The following TRIM49 variants were observed in gnomAD, a reference collection of about 807,000 sequenced individuals.
TRIM49 encodes tripartite motif-containing protein 49.
In TRIM49, 5 loss-of-function variants were observed where a neutral mutation model predicts 27.4. That is an observed-to-expected ratio of 0.18 (90% confidence interval 0.10 to 0.38). TRIM49 has a LOEUF of 0.38. Ranked by LOEUF, TRIM49 falls within the 10% of genes least tolerant of loss-of-function variation. The pLI is 1.00. For synonymous variants in TRIM49, 69 were observed against 166.0 expected (o/e 0.42, Z 4.49); for missense variants, 188 against 487.5 (o/e 0.39, Z 5.79).
At chr11:89,806,629 A>G (rs377571927) in intron 2 of TRIM49, among the ~76,000 whole-genome samples, 2,981 of 149,456 alleles carry the variant, frequency 0.02, 42 homozygotes, top group East Asian at 0.052. Context: ...TTTCTAAAGT[A>G]GGATATTTTG....
the TRIM49 span, among the ~76,000 whole-genome samples, chr11:89,768,490 C>A: frequency 3.0e-5 from 4 of 133,522 alleles, 1 homozygote; most frequent in Non-Finnish European, 6.0e-5. Flanking sequence ...ATGCCTCTCT[C>A]CCTATTTGCC....
At position 89,805,713 on chromosome 11, in the gene TRIM49, G is replaced by GT. The variant is rs1471218681; in HGVS notation, c.-4-1241dup. 5.4e-3 allele frequency among the ~76,000 whole-genome samples: 703 copies of GT among 130,048 alleles called. 33 individuals are homozygous for GT. Among genetic ancestry groups the GT allele is most frequent in the African/African-American group, 0.025 (636 of 25,740 alleles). The allele number at this position is 130,048 out of a possible 152,430, so 85.3% of individuals were successfully genotyped here. A position where few individuals can be genotyped will look rare whatever the true frequency, so the allele number is the denominator to read the frequency against. On this transcript the variant is annotated intron_variant, in intron 2 of 7. Transcript: ENST00000329758. ...CTGAGAAATGTGTCAGGTGTTTTTA[G>GT]TTTTTTTTTGTTTTTTTTTTTTGAG...
chr11:89,802,580 C>CACAT lies in TRIM49; in HGVS notation c.508-652_508-649dup, dbSNP rs199832331. ...ACATATATATGTATACAAACACACA[C>CACAT]ACATACATACATACATACATACATA... On this transcript the variant is annotated intron_variant, in intron 4 of 7. Transcript: ENST00000329758. Among the ~76,000 whole-genome samples the CACAT allele has an allele frequency of 3.1e-3, 452 of 147,260 alleles. 3 individuals are homozygous for CACAT. Among genetic ancestry groups the CACAT allele is most frequent in the African/African-American group, 7.9e-3 (309 of 38,932 alleles).
the TRIM49 span, among the ~76,000 whole-genome samples, chr11:89,772,516 T>A: frequency 7.9e-6 from 1 of 125,938 alleles, no homozygotes; most frequent in South Asian, 2.4e-4. Flanking sequence ...TATGCACTAA[T>A]TATGGCATTC....
the TRIM49 span, among the ~76,000 whole-genome samples, chr11:89,791,763 G>T: frequency 6.6e-6 from 1 of 152,300 alleles, no homozygotes; most frequent in Non-Finnish European, 1.5e-5. Context: ...TGGAAAGGAA[G>T]AACCAGCACC....
the TRIM49 span, chr11:89,786,151 G>C: frequency 1.7e-5 from 1 of 58,536 alleles, no homozygotes; most frequent in Admixed American, 1.5e-4. Context: ...GGAGCACGGC[G>C]TCGAGGGCGT....
At chr11:89,770,471 A>G in the TRIM49 span, among the ~76,000 whole-genome samples, 1 of 141,466 alleles carries the variant, frequency 7.1e-6, no homozygotes, top group Admixed American at 6.8e-5. Flanking sequence ...AAAAGCTGAA[A>G]TAGATGAAAT....
the TRIM49 span, among the ~76,000 whole-genome samples, chr11:89,768,539 A>G: frequency 7.4e-6 from 1 of 135,304 alleles, no homozygotes; most frequent in South Asian, 2.3e-4. Flanking sequence ...CTGAATCCTA[A>G]AAAGAGGCAA....
the TRIM49 span, among the ~76,000 whole-genome samples, chr11:89,791,817 A>G: frequency 6.6e-6 from 1 of 152,054 alleles, no homozygotes; most frequent in Non-Finnish European, 1.5e-5. Context: ...CATCGATGCT[A>G]GGAAGAAACT....
chr11:89,791,215 G>A, the TRIM49 span, among the ~76,000 whole-genome samples: 1 of 151,760 alleles, frequency 6.6e-6, no homozygotes, highest in East Asian at 1.9e-4. Flanking sequence ...AAAAAGAAGT[G>A]AACAAAGCCT....
chr11:89,785,225 T>C, the TRIM49 span, among the ~76,000 whole-genome samples: 810 of 116,978 alleles, frequency 6.9e-3, 68 homozygotes, highest in African/African-American at 0.03. Context: ...TCTGCCTCAG[T>C]GAATAAATAA....
chr11:89,766,673 G>C, the TRIM49 span: 1 of 1,509,290 alleles, frequency 6.6e-7, no homozygotes, highest in African/African-American at 2.0e-5. Flanking sequence ...GGGAATTCTT[G>C]GTGACATTCA....
downstream of TRIM49, among the ~76,000 whole-genome samples, chr11:89,794,654 A>G (rs1208232876): frequency 6.8e-6 from 1 of 146,282 alleles, no homozygotes; most frequent in African/African-American, 2.5e-5. Context: ...TCCCTATTTA[A>G]TAAATGGTGC....
chr11:89,801,259 G>GA (rs1949735031), intron 5 of TRIM49, among the ~76,000 whole-genome samples: 1 of 146,400 alleles, frequency 6.8e-6, no homozygotes, highest in African/African-American at 2.6e-5. Flanking sequence ...TGGTAACCAT[G>GA]AAAAACCTAC....
chr11:89,790,804 C>A, the TRIM49 span, among the ~76,000 whole-genome samples: 1 of 150,548 alleles, frequency 6.6e-6, no homozygotes, highest in African/African-American at 2.5e-5. Flanking sequence ...GGGGAAAAAA[C>A]AGAGCAGAAA....
the TRIM49 span, among the ~76,000 whole-genome samples, chr11:89,791,859 C>T: frequency 2.0e-5 from 3 of 151,256 alleles, no homozygotes; most frequent in Admixed American, 6.6e-5. Flanking sequence ...AACCAGCTAA[C>T]ATCATAATGA....
At chr11:89,804,902 G>A (rs1258740036) in intron 2 of TRIM49, among the ~76,000 whole-genome samples, 1 of 151,108 alleles carries the variant, frequency 6.6e-6, no homozygotes, top group Non-Finnish European at 1.5e-5. Context: ...AAAGAAATAT[G>A]AGAAGATGGT....
At chr11:89,766,737 G>A in the TRIM49 span, 3 of 1,525,736 alleles carry the variant, frequency 2.0e-6, no homozygotes, top group South Asian at 3.5e-5. Flanking sequence ...TCGGCCCAGA[G>A]GTTTCTCTAC....
chr11:89,777,390 C>A, the TRIM49 span: 4 of 1,535,822 alleles, frequency 2.6e-6, no homozygotes, highest in Admixed American at 4.0e-5. Flanking sequence ...ATGCAGGGTA[C>A]GTGATGCCTC....
Sources: allele counts gnomAD v4.1 joint callset (sites outside exome capture counted in the v4.1 genomes callset), GRCh38; gene constraint gnomAD v4.1.1; transcripts MANE v1.5; gene names NCBI Gene and HGNC (gene_info 2026-07-23, HGNC 2026-07-21).